SERAC1: variants seen among roughly 807,000 people sequenced by gnomAD.
SERAC1 encodes the protein serine active site containing 1, also known as protein SERAC1.
SERAC1 carries 36 observed loss-of-function variants against 85.7 expected under a neutral mutation model. The observed-to-expected ratio is 0.42, with a 90% CI of 0.32 to 0.55. The LOEUF is 0.55. SERAC1 is among the 20% of genes least tolerant of loss of function. The probability of loss-of-function intolerance (pLI) is 0.11; values close to 1 mark genes in which losing one functional copy is unlikely to be tolerated. For synonymous variants in SERAC1, 242 were observed against 265.3 expected, an observed-to-expected ratio of 0.91 and a Z score of 0.85; for missense variants, 629 against 796.2, an observed-to-expected ratio of 0.79 and a Z score of 2.53.
intron 1 of SERAC1, among the ~76,000 whole-genome samples, chr6:158,166,982 T>C (rs1785612646): frequency 2.0e-5 from 3 of 151,958 alleles, no homozygotes; most frequent in African/African-American, 4.8e-5. Context: ...TCTAGAATAA[T>C]AGCTGACACA....
chr6:158,131,289 T>C (rs1470217998), intron 8 of SERAC1, among the ~76,000 whole-genome samples: 1 of 147,554 alleles, frequency 6.8e-6, no homozygotes, highest in Non-Finnish European at 1.5e-5. Flanking sequence ...TATAAGAATA[T>C]ATTATAAATT....
At chr6:158,111,596 T>C in intron 16 of SERAC1, 94 bp from the exon 17 acceptor site, 1 of 973,344 alleles carries the variant, frequency 1.0e-6, no homozygotes, top group Non-Finnish European at 1.4e-6. Flanking sequence ...TTCTAGACAT[T>C]GCTTTGGTTG....
In SERAC1 at chr6:158,114,777, A is replaced by G. The variant is rs1235252451; in HGVS notation, c.1684+12T>C. 6.2e-7 allele frequency: 1 copy of G among 1,608,904 alleles called. No homozygotes were observed. The highest frequency in any genetic ancestry group is 1.4e-5 in the African/African-American group (1 of 73,380). On this transcript the variant is annotated intron_variant, in intron 15 of 16. Coordinates refer to ENST00000647468, the MANE Select transcript of SERAC1 (RefSeq NM_032861.4). ...ATATAACCCCAATTTCCTTTATGAC[A>G]AAAAGTATTACCCTTGCTGAGTTCT...
At position 158,128,328 on chromosome 6, in the gene SERAC1, T is replaced by A. The variant is rs184524832; in HGVS notation, c.853-58A>T. On this transcript the variant is annotated intron_variant, in intron 9 of 16. Transcript: ENST00000647468. Reference sequence around the variant, plus strand: ...CATTGTACAAATTCATGACGTGAGATGACACAGCCTGGTCATGGGGACAGC... The same window carrying A: ...CATTGTACAAATTCATGACGTGAGAAGACACAGCCTGGTCATGGGGACAGC... The A allele has an allele frequency of 2.3e-3, 3,647 of 1,562,522 alleles. 3 individuals carry two copies. Among genetic ancestry groups the A allele is most frequent in the Non-Finnish European group, 2.9e-3 (3,303 of 1,143,092 alleles).
chr6:158,117,624 T>G lies in SERAC1; in HGVS notation c.1403+103A>C. On this transcript the variant is annotated intron_variant, in intron 13 of 16. Coordinates refer to ENST00000647468, the MANE Select transcript of SERAC1 (RefSeq NM_032861.4). This position sits in a 1 kb window ranked among gnomAD's most constrained non-coding sequence, Gnocchi z 4.3. ...AGGTTTGTTCTTCATAAGAAAATCC[T>G]GTCTGTGGCATCAAAAAATTAAAAT... 1 of 1,583,168 alleles carries G rather than the reference T, an allele frequency of 6.3e-7. No individual in the cohort carries two copies. The highest frequency in any genetic ancestry group is 8.6e-7 in the Non-Finnish European group (1 of 1,162,470).
chr6:158,130,280 C>T (rs759898209), intron 9 of SERAC1, 93 bp downstream of exon 9: 13 of 585,510 alleles, frequency 2.2e-5, no homozygotes, highest in Non-Finnish European at 3.4e-5. Flanking sequence ...TCTCCTTTTA[C>T]AGTAAATGAT....
At chr6:158,115,467 T>G (rs908806571) in intron 14 of SERAC1, among the ~76,000 whole-genome samples, 22 of 152,082 alleles carry the variant, frequency 1.4e-4, no homozygotes, top group African/African-American at 5.1e-4. Context: ...GAACCGATAA[T>G]GAAACACAAA....
chr6:158,167,783 G>A (rs1030039632), intron 1 of SERAC1, among the ~76,000 whole-genome samples: 1 of 152,120 alleles, frequency 6.6e-6, no homozygotes, highest in Non-Finnish European at 1.5e-5. Context: ...GGGTTAGAGA[G>A]GGAGCAGGAA....
At chr6:158,133,047 C>A (rs1784712960) in intron 8 of SERAC1, among the ~76,000 whole-genome samples, 1 of 152,096 alleles carries the variant, frequency 6.6e-6, no homozygotes, top group Admixed American at 6.5e-5. Context: ...TAGCTCACGC[C>A]TGTAATCCCA....
rs554726139 is a variant in SERAC1 at position 158,154,031 on chromosome 6, C to T, written c.128+1284G>A. Reference sequence around the variant, plus strand: ...ATAATAACAGCCAGGTGTGGTGGTACACACCTGTGATCCAGCTATTTGGGA... The same window carrying T: ...ATAATAACAGCCAGGTGTGGTGGTATACACCTGTGATCCAGCTATTTGGGA... On this transcript the variant is annotated intron_variant, in intron 3 of 16. Coordinates refer to ENST00000647468, the MANE Select transcript of SERAC1 (RefSeq NM_032861.4). Among the ~76,000 whole-genome samples the T allele has an allele frequency of 1.3e-4, 20 of 151,296 alleles. 2 individuals carry two copies. In the South Asian group the frequency reaches 2.9e-3, roughly 22 times the overall value.
chr6:158,143,305 GTCTC>G lies in SERAC1; in HGVS notation c.610-125_610-122del, dbSNP rs753181670. On this transcript the variant is annotated intron_variant, in intron 7 of 16. Transcript: ENST00000647468. ...TCAAAGCCATATATTATGTGTGCAT[GTCTC>G]TCTCTCTCTCTCTCTCTCTCTCTCT... 1,889 of 605,896 alleles carry G rather than the reference GTCTC, an allele frequency of 3.1e-3. 9 individuals carry two copies. The highest frequency in any genetic ancestry group is 8.6e-3 in the African/African-American group (401 of 46,468). The allele number at this position is 605,896 out of a possible 1,614,324, so 37.5% of individuals were successfully genotyped here. A position where few individuals can be genotyped will look rare whatever the true frequency, so the allele number is the denominator to read the frequency against.
In SERAC1 at chr6:158,120,781, C is replaced by T. The variant is rs181064847; in HGVS notation, c.1016-206G>A. ...TACCATCCACATACCCCTTAAGGGA[C>T]CTCAAAGAAGGAAAGAGGGGTTGAA... On this transcript the variant is annotated intron_variant, in intron 10 of 16. Transcript: ENST00000647468. The surrounding 1 kb of genome is among the most constrained non-coding windows in gnomAD (Gnocchi z 4.4). 3.9e-3 allele frequency among the ~76,000 whole-genome samples: 595 copies of T among 152,182 alleles called. 6 individuals carry two copies. Among genetic ancestry groups the T allele is most frequent in the African/African-American group, 0.014 (570 of 41,512 alleles).
At chr6:158,155,676 C>T (rs1237450090) in intron 2 of SERAC1, among the ~76,000 whole-genome samples, 2 of 152,168 alleles carry the variant, frequency 1.3e-5, no homozygotes, top group East Asian at 1.9e-4. Context: ...GCTCACTTCC[C>T]TTCTGACCCC....
At position 158,119,174 on chromosome 6, in the gene SERAC1, A is replaced by C; in HGVS notation, c.1167-4T>G. On this transcript the variant is annotated splice_polypyrimidine_tract_variant and splice_region_variant and intron_variant, in intron 11 of 16. Transcript: ENST00000647468. The surrounding 1 kb of genome is among the most constrained non-coding windows in gnomAD (Gnocchi z 4.5). The stretch of plus-strand genomic sequence containing the variant: ...GACATCTGCTTTAATGGGCTGACTA[A>C]TAGGGGAGAGAGTTTTAAAAAGAAG... 6.2e-7 allele frequency: 1 copy of C among 1,606,204 alleles called. No homozygotes were observed.
At chr6:158,127,376 G>C (rs1267873924) in intron 10 of SERAC1, among the ~76,000 whole-genome samples, 8 of 67,316 alleles carry the variant, frequency 1.2e-4, no homozygotes, top group Admixed American at 1.6e-4. Flanking sequence ...GGAGGTGGGG[G>C]GGTCAGCCCC....
At chr6:158,114,992 A>AAAAC (rs752580105) in intron 14 of SERAC1, 21 bp from the exon 15 acceptor site, 1 of 1,595,378 alleles carries the variant, frequency 6.3e-7, no homozygotes, top group South Asian at 1.1e-5. Context: ...ACAAGGGAAA[A>AAAAC]AAACAATGCA....
intron 15 of SERAC1, among the ~76,000 whole-genome samples, chr6:158,114,278 T>G (rs1362303593): frequency 1.3e-5 from 2 of 152,068 alleles, no homozygotes; most frequent in Non-Finnish European, 2.9e-5. Context: ...AATCAAGAGA[T>G]TCTCCATAAA....
At chr6:158,134,667 A>G (rs1784751158) in intron 8 of SERAC1, among the ~76,000 whole-genome samples, 1 of 152,108 alleles carries the variant, frequency 6.6e-6, no homozygotes, top group African/African-American at 2.4e-5. Flanking sequence ...ATACTAAATA[A>G]ATGAGTAAGG....
chr6:158,116,322 C>A (rs562582686), intron 13 of SERAC1, 40 bp from the exon 14 acceptor site: 2 of 1,506,860 alleles, frequency 1.3e-6, no homozygotes, highest in Non-Finnish European at 1.8e-6. Context: ...ACAAGGCTAT[C>A]GATCCCCTCA....
Sources: gnomAD v4.1 joint callset for allele counts (sites outside exome capture counted in the v4.1 genomes callset) on GRCh38, gnomAD v4.1.1 for gene constraint, Gnocchi (gnomAD v3.1) non-coding constraint, MANE v1.5 for transcripts, NCBI Gene and HGNC (gene_info 2026-07-23, HGNC 2026-07-21) for gene names.